Variants in KHDRBS2 observed in about 807,000 individuals in gnomAD.
KHDRBS2 encodes KH domain-containing, RNA-binding, signal transduction-associated protein 2.
A neutral mutation model predicts 44.3 loss-of-function variants in KHDRBS2; 26 were observed. That is an observed-to-expected ratio of 0.59 (90% CI 0.43 to 0.81). The LOEUF is 0.81. KHDRBS2 is among the 40% of genes least tolerant of loss of function. KHDRBS2 has a pLI of 0.00. For synonymous variants in KHDRBS2, 194 were observed against 151.1 expected (o/e 1.28, Z -2.08); for missense variants, 476 against 433.1 (o/e 1.10, Z -0.88).
At chr6:61,861,665 T>C (rs556128146) in intron 6 of KHDRBS2, among the ~76,000 whole-genome samples, 1 of 151,980 alleles carries the variant, frequency 6.6e-6, no homozygotes, top group Non-Finnish European at 1.5e-5. Flanking sequence ...GTTTTGTTTT[T>C]TTTTTTCTTA....
Position 62,219,137 on chromosome 6 carries a change from T to C in KHDRBS2, c.92-41825A>G, listed in dbSNP as rs567202016. Reference sequence around the variant, plus strand: ...TATAAGGATGTAACAAAAGTGCACTTGTATTCCTTAAATTTATACAAATAA... The same window carrying C: ...TATAAGGATGTAACAAAAGTGCACTCGTATTCCTTAAATTTATACAAATAA... On this transcript the variant is annotated intron_variant, in intron 1 of 8. Transcript: ENST00000281156. Among the ~76,000 whole-genome samples the C allele has an allele frequency of 2.6e-5, 4 of 151,894 alleles. No homozygotes were observed. In the South Asian group the frequency reaches 8.3e-4, roughly 32 times the overall value.
the KHDRBS2 span, among the ~76,000 whole-genome samples, chr6:61,658,930 C>G: frequency 2.0e-5 from 3 of 151,882 alleles, no homozygotes; most frequent in African/African-American, 7.2e-5. Context: ...TCAACAATCT[C>G]TATACAACAC....
intron 7 of KHDRBS2, among the ~76,000 whole-genome samples, chr6:61,714,578 T>C (rs1431404851): frequency 6.6e-6 from 1 of 151,772 alleles, no homozygotes; most frequent in Admixed American, 6.6e-5. Context: ...TATATATACG[T>C]ATAAAAAATA....
chr6:61,610,202 G>T, the KHDRBS2 span, among the ~76,000 whole-genome samples: 1 of 57,472 alleles, frequency 1.7e-5, no homozygotes, highest in Non-Finnish European at 4.3e-5. Flanking sequence ...AAAAAAAATT[G>T]AAAACAAAAC....
At chr6:62,274,987 A>T (rs764076364) in intron 1 of KHDRBS2, among the ~76,000 whole-genome samples, 25 of 147,220 alleles carry the variant, frequency 1.7e-4, no homozygotes, top group Non-Finnish European at 3.4e-4. Context: ...AACACAATAT[A>T]TACATATATC....
At chr6:61,661,406 A>G in the KHDRBS2 span, 2 of 151,890 alleles carry the variant, frequency 1.3e-5, no homozygotes, top group Non-Finnish European at 2.9e-5. Flanking sequence ...GCATTGTGCA[A>G]TTACACATAC....
intron 3 of KHDRBS2, among the ~76,000 whole-genome samples, chr6:61,993,980 A>G (rs1479051934): frequency 6.6e-6 from 1 of 152,102 alleles, no homozygotes; most frequent in Non-Finnish European, 1.5e-5. Context: ...TTTACCTCAT[A>G]TAACAAAATA....
At chr6:61,802,742 C>T (rs1786480254) in intron 6 of KHDRBS2, among the ~76,000 whole-genome samples, 1 of 152,136 alleles carries the variant, frequency 6.6e-6, no homozygotes, top group Admixed American at 6.6e-5. Context: ...TTACACATTT[C>T]TCTGGGTACA....
intron 6 of KHDRBS2, among the ~76,000 whole-genome samples, chr6:61,827,977 G>T (rs1461306562): frequency 6.6e-6 from 1 of 152,172 alleles, no homozygotes; most frequent in Non-Finnish European, 1.5e-5. Context: ...ATAAAGTGGA[G>T]ATTCTGCACA....
At chr6:62,150,055 T>C (rs1394122578) in intron 2 of KHDRBS2, among the ~76,000 whole-genome samples, 1 of 152,204 alleles carries the variant, frequency 6.6e-6, no homozygotes, top group African/African-American at 2.4e-5. Flanking sequence ...GAATTCAGGC[T>C]AATCTACCTT....
the KHDRBS2 span, among the ~76,000 whole-genome samples, chr6:61,549,420 T>C: frequency 6.6e-6 from 1 of 152,122 alleles, no homozygotes; most frequent in Admixed American, 6.6e-5. Context: ...AAGAGACAAA[T>C]TTTAAACTTG....
At chr6:62,262,791 A>C (rs1838578495) in intron 1 of KHDRBS2, among the ~76,000 whole-genome samples, 1 of 151,772 alleles carries the variant, frequency 6.6e-6, no homozygotes, top group Non-Finnish European at 1.5e-5. Context: ...AATACATGAA[A>C]GTATCCACAA....
chr6:62,128,957 A>T (rs1053431579), intron 2 of KHDRBS2, among the ~76,000 whole-genome samples: 3 of 152,036 alleles, frequency 2.0e-5, no homozygotes, highest in African/African-American at 7.2e-5. Flanking sequence ...GTTTCAGAAA[A>T]TAACTTATTC....
At chr6:62,239,545 C>T (rs532121579) in intron 1 of KHDRBS2, among the ~76,000 whole-genome samples, 16 of 150,418 alleles carry the variant, frequency 1.1e-4, no homozygotes, top group Non-Finnish European at 2.1e-4. Flanking sequence ...TGCACTCCAG[C>T]CTGCATGAAA....
chr6:61,892,738 T>G (rs1314787415), intron 6 of KHDRBS2, among the ~76,000 whole-genome samples: 1 of 152,156 alleles, frequency 6.6e-6, no homozygotes. Context: ...TTACACCTTA[T>G]ACAAAAATTA....
chr6:61,854,072 A>G (rs1795826048), intron 6 of KHDRBS2, among the ~76,000 whole-genome samples: 1 of 152,174 alleles, frequency 6.6e-6, no homozygotes, highest in South Asian at 2.1e-4. Flanking sequence ...TATGAAAAAT[A>G]AAGAACAAAG....
chr6:61,703,576 C>T (rs1203626766), intron 7 of KHDRBS2, among the ~76,000 whole-genome samples: 1 of 151,720 alleles, frequency 6.6e-6, no homozygotes, highest in Non-Finnish European at 1.5e-5. Flanking sequence ...CAGCCAGGTC[C>T]CCATCCTCAA....
intron 3 of KHDRBS2, among the ~76,000 whole-genome samples, chr6:62,021,167 T>A (rs1782225630): frequency 6.6e-6 from 1 of 151,786 alleles, no homozygotes; most frequent in African/African-American, 2.4e-5. Flanking sequence ...TATTATTAAA[T>A]CCAAATACCA....
chr6:62,214,524 T>A (rs1829649266), intron 1 of KHDRBS2, among the ~76,000 whole-genome samples: 1 of 147,624 alleles, frequency 6.8e-6, no homozygotes, highest in African/African-American at 2.4e-5. Context: ...ATAACAAAAG[T>A]AAGCCCAAGA....
Sources: allele counts gnomAD v4.1 joint callset (sites outside exome capture counted in the v4.1 genomes callset), GRCh38; gene constraint gnomAD v4.1.1; transcripts MANE v1.5; gene names NCBI Gene and HGNC (gene_info 2026-07-23, HGNC 2026-07-21).